MKNK2: variants seen among roughly 807,000 people sequenced by gnomAD.
MKNK2 encodes the protein MAPK interacting serine/threonine kinase 2, also known as MAP kinase-interacting serine/threonine-protein kinase 2.
Under a neutral mutation model 55.0 loss-of-function variants are expected in MKNK2, and 54 were observed. The ratio of observed to expected loss-of-function variants is 0.98; its 90% CI spans 0.79 to 1.23. The LOEUF is 1.23. Among genes scored for constraint, MKNK2 ranks in the 50% most tolerant of loss-of-function variants. The probability of loss-of-function intolerance (pLI) is 0.00; values close to 1 mark genes in which losing one functional copy is unlikely to be tolerated. For synonymous variants in MKNK2, 323 were observed against 256.0 expected (o/e 1.26, Z -2.50); for missense variants, 685 against 632.1 (o/e 1.08, Z -0.90).
intron 2 of MKNK2, 81 bp downstream of exon 2, chr19:2,050,720 T>C (rs2017097338): frequency 3.7e-6 from 5 of 1,361,382 alleles, no homozygotes; most frequent in Non-Finnish European, 5.0e-6. Context: ...GAGCCGATCT[T>C]AGGGGCGGGC....
chr19:2,050,833 C>A lies in MKNK2; in HGVS notation c.19G>T (p.Ala7Ser). 6.5e-7 allele frequency: 1 copy of A among 1,537,010 alleles called. No homozygotes were observed. Among genetic ancestry groups the A allele is most frequent in the East Asian group, 2.6e-5 (1 of 38,972 alleles). Reference sequence around the variant, plus strand: ...GAACGGTGGAAACCCTGAAGTTCGGCTGGTTTCTTCTGCACCATCTTCTGT... The same window carrying A: ...GAACGGTGGAAACCCTGAAGTTCGGATGGTTTCTTCTGCACCATCTTCTGT... MVQKKP[A>S]ELQGFHRSFK... Residue 7 changes from alanine to serine, a missense_variant, in exon 2 of 14, where the codon GCC (alanine) becomes TCC (serine). Transcript: ENST00000250896.
chr19:2,045,781 C>T (rs922793377), intron 5 of MKNK2, among the ~76,000 whole-genome samples: 8 of 152,242 alleles, frequency 5.3e-5, no homozygotes, highest in Non-Finnish European at 1.0e-4. Context: ...CCCAGCCCTT[C>T]GGCCACACCC....
At position 2,037,845 on chromosome 19, in the gene MKNK2, A is replaced by C. The variant is rs748993743; in HGVS notation, c.*1768T>G. ...ACTGTCCCACCTTCAGAAAAAAAAA[A>C]AAAAACAAACAAACAAACGCTGCTA... On this transcript the variant is annotated 3_prime_UTR_variant, in exon 14 of 14. Transcript: ENST00000250896. 76 of 1,577,808 alleles carry C rather than the reference A, an allele frequency of 4.8e-5. No homozygotes were observed. The Admixed American group carries it at 1.3e-3, about 26-fold the overall frequency.
intron 6 of MKNK2, 149 bp downstream of exon 6, chr19:2,043,354 C>A (rs1458106629): frequency 1.1e-5 from 11 of 991,076 alleles, no homozygotes; most frequent in Admixed American, 1.9e-5. Flanking sequence ...CCGCCTGGGG[C>A]TGTCAGCCAG....
rs745746481 is a variant in MKNK2, at chr19:2,042,783, T to C, written c.581A>G (p.Asp194Gly). 1.3e-6 allele frequency: 2 copies of C among 1,578,996 alleles called. 1 individual carries two copies. Among genetic ancestry groups the C allele is most frequent in the South Asian group, 2.3e-5 (2 of 87,158 alleles). The change falls in exon 8 of 14, where the codon GAC (aspartate) becomes GGC (glycine). Residue 194 changes from aspartate to glycine, a missense_variant. By Grantham distance (94) the Asp-to-Gly change is moderately conservative. Coordinates refer to ENST00000250896, the MANE Select transcript of MKNK2 (RefSeq NM_199054.3). ...CCACCTACCTTTGTTATGCAGAAAG[T>C]CCAAGGCGCTGGCCACGTCCTGCAC... is the stretch of plus-strand genomic sequence containing the variant. ...VVVQDVASAL[D>G]FLHNKGIAHR... is the part of the protein sequence containing the mutation.
chr19:2,043,092 C>G (rs1333724425), intron 7 of MKNK2, 32 bp downstream of exon 7: 1 of 1,581,584 alleles, frequency 6.3e-7, no homozygotes, highest in Non-Finnish European at 8.7e-7. Flanking sequence ...TCCCAGCTCC[C>G]TCCCTCCTCA....
rs748720504 is a variant in MKNK2 at position 2,046,484 on chromosome 19, C to T, written c.140-16G>A. On this transcript the variant is annotated splice_polypyrimidine_tract_variant and intron_variant, in intron 3 of 13. Coordinates refer to ENST00000250896, the MANE Select transcript of MKNK2 (RefSeq NM_199054.3). Reference sequence around the variant, plus strand: ...GCGGGCATGTCTGTTCCAGGAGGCACGCCCAGGGGGCTCAGGACATGGCCC... The same window carrying T: ...GCGGGCATGTCTGTTCCAGGAGGCATGCCCAGGGGGCTCAGGACATGGCCC... 3.4e-5 allele frequency: 55 copies of T among 1,603,198 alleles called. No homozygotes were observed. Among genetic ancestry groups the T allele is most frequent in the South Asian group, 1.1e-4 (10 of 90,136 alleles).
Position 2,043,145 on chromosome 19 carries a change from C to T in MKNK2, c.472G>A (p.Val158Met). 1 of 1,613,862 alleles carries T rather than the reference C, an allele frequency of 6.2e-7. No individual in the cohort carries two copies. Among genetic ancestry groups the T allele is most frequent in the Non-Finnish European group, 8.5e-7 (1 of 1,179,840 alleles). The change falls in exon 7 of 14, where the codon GTG (valine) becomes ATG (methionine). Residue 158 changes from valine to methionine, a missense_variant. Physicochemically the swap from Val to Met is conservative, Grantham distance 21. Transcript: ENST00000250896. ...FFEEEDRFYL[V>M]FEKMRGGSIL... ...GTACCTCCCCGCATCTTCTCAAACA[C>T]CAGGTAGAAGCGGTCCTCCTCCTCG...
intron 2 of MKNK2, among the ~76,000 whole-genome samples, chr19:2,048,585 C>A (rs1054975061): frequency 3.3e-5 from 5 of 152,092 alleles, no homozygotes; most frequent in Non-Finnish European, 7.4e-5. Context: ...CTCTCTGGGC[C>A]CCAGACAACC....
intron 6 of MKNK2, 130 bp from the exon 7 acceptor site, chr19:2,043,327 G>C: frequency 2.0e-6 from 2 of 1,004,518 alleles, no homozygotes; most frequent in Admixed American, 3.7e-5. Context: ...TGGGGCAATA[G>C]GCCAGCTTCA....
At chr19:2,049,662 C>G (rs1190681481) in intron 2 of MKNK2, among the ~76,000 whole-genome samples, 4 of 152,212 alleles carry the variant, frequency 2.6e-5, no homozygotes, top group Non-Finnish European at 5.9e-5. Context: ...GCCCCATGCA[C>G]TGACTCTGTA....
intron 3 of MKNK2, 49 bp downstream of exon 3, chr19:2,046,555 G>A: frequency 6.4e-7 from 1 of 1,552,840 alleles, no homozygotes; most frequent in South Asian, 1.2e-5. Context: ...CCACTGCCAT[G>A]GCAGCGACAG....
rs1053400479 is a variant in MKNK2, at chr19:2,038,683, C to T, written c.*930G>A. ...GCCCGAGGGGCGGCGCGAGGCAGGA[C>T]GTGGCTACGGTCAGACTGAGCCCTG... On this transcript the variant is annotated 3_prime_UTR_variant, in exon 14 of 14. Transcript: ENST00000250896. 81 of 985,756 alleles carry T rather than the reference C, an allele frequency of 8.2e-5. No homozygotes were observed. The African/African-American group carries it at 1.3e-3, about 16-fold the overall frequency. 61.1% of individuals were successfully genotyped at this position (985,756 alleles called of 1,614,324 possible).
rs767976576 is a variant in MKNK2, at chr19:2,038,371, C to T, written c.*1242G>A. 6 of 986,286 alleles carry T rather than the reference C, an allele frequency of 6.1e-6. 1 individual carries two copies. Among genetic ancestry groups the T allele is most frequent in the Admixed American group, 1.2e-4 (2 of 16,392 alleles). The allele number at this position is 986,286 out of a possible 1,614,324, so 61.1% of individuals were successfully genotyped here. A position where few individuals can be genotyped will look rare whatever the true frequency, so the allele number is the denominator to read the frequency against. On this transcript the variant is annotated 3_prime_UTR_variant, in exon 14 of 14. Coordinates refer to ENST00000250896, the MANE Select transcript of MKNK2 (RefSeq NM_199054.3). The stretch of plus-strand genomic sequence containing the variant: ...CTGCGCCGGGAAGGGCGGGCGGTGA[C>T]CCTAGCCGCGCGCACTTCTAAAGTG...
chr19:2,037,852 A>C lies in MKNK2; in HGVS notation c.*1761T>G, dbSNP rs1165778330. 2 of 1,562,734 alleles carry C rather than the reference A, an allele frequency of 1.3e-6. No individual in the cohort carries two copies. Among genetic ancestry groups the C allele is most frequent in the Middle Eastern group, 1.8e-4 (1 of 5,478 alleles). On this transcript the variant is annotated 3_prime_UTR_variant, in exon 14 of 14. Coordinates refer to ENST00000250896, the MANE Select transcript of MKNK2 (RefSeq NM_199054.3). ...CACCTTCAGAAAAAAAAAAAAAAAC[A>C]AACAAACAAACGCTGCTAGCCACTC...
intron 6 of MKNK2, 27 bp from the exon 7 acceptor site, chr19:2,043,224 G>T: frequency 6.4e-7 from 1 of 1,569,036 alleles, no homozygotes; most frequent in Non-Finnish European, 8.8e-7. Flanking sequence ...GGCAGGAGAG[G>T]AGCTGAGGCT....
Position 2,042,629 on chromosome 19 carries a change from A to G in MKNK2, c.632T>C (p.Ile211Thr). Reference protein sequence around the residue: ...IAHRDLKPENILCEHPNQVSP... With the variant: ...IAHRDLKPENTLCEHPNQVSP... ...TACCTGGTTGGGGTGCTCACAGAGG[A>G]TGTTTTCCGGCTTTAGGTCCCTGTG... The change falls in exon 9 of 14, where the codon ATC (isoleucine) becomes ACC (threonine). Residue 211 changes from isoleucine to threonine, a missense_variant. Coordinates refer to ENST00000250896, the MANE Select transcript of MKNK2 (RefSeq NM_199054.3). 1 of 1,564,830 alleles carries G rather than the reference A, an allele frequency of 6.4e-7. No homozygotes were observed. Among genetic ancestry groups the G allele is most frequent in the East Asian group, 2.3e-5 (1 of 42,680 alleles).
At chr19:2,046,495 C>T (rs760342164) in intron 3 of MKNK2, 27 bp from the exon 4 acceptor site, 13 of 1,599,448 alleles carry the variant, frequency 8.1e-6, no homozygotes, top group South Asian at 4.5e-5. Context: ...GCCCAGGGGG[C>T]TCAGGACATG....
rs1315062853 is a variant in MKNK2 at position 2,037,916 on chromosome 19, G to A, written c.*1697C>T. The A allele has an allele frequency of 7.1e-7, 1 of 1,405,110 alleles. No individual in the cohort carries two copies. The highest frequency in any genetic ancestry group is 9.4e-7 in the Non-Finnish European group (1 of 1,063,114). 87.0% of individuals were successfully genotyped at this position (1,405,110 alleles called of 1,614,324 possible). ...CGATGGCTATGGGCGCCTGCAGCGG[G>A]CGGGGGTCCATTTGCTTGTTCTTTG... On this transcript the variant is annotated 3_prime_UTR_variant, in exon 14 of 14. Coordinates refer to ENST00000250896, the MANE Select transcript of MKNK2 (RefSeq NM_199054.3).
Sources: gnomAD v4.1 joint callset for allele counts (sites outside exome capture counted in the v4.1 genomes callset) on GRCh38, gnomAD v4.1.1 for gene constraint, MANE v1.5 for transcripts, NCBI Gene and HGNC (gene_info 2026-07-23, HGNC 2026-07-21) for gene names.